The following ARB2A variants were observed in gnomAD, a reference collection of about 807,000 sequenced individuals.
The protein encoded by ARB2A is cotranscriptional regulator ARB2A.
the ARB2A span, among the ~76,000 whole-genome samples, chr5:93,926,527 T>C: frequency 6.6e-6 from 1 of 152,200 alleles, no homozygotes; most frequent in East Asian, 1.9e-4. Flanking sequence ...TGAAAAAGAA[T>C]ATGTCCTTTC....
At chr5:93,635,380 T>C in the ARB2A span, among the ~76,000 whole-genome samples, 2 of 152,104 alleles carry the variant, frequency 1.3e-5, no homozygotes, top group African/African-American at 2.4e-5. Context: ...CTTCCTCTAC[T>C]AAGCCTTCTT....
the ARB2A span, among the ~76,000 whole-genome samples, chr5:93,866,742 C>T: frequency 3.9e-5 from 6 of 152,114 alleles, no homozygotes. Context: ...AATCAGTTCC[C>T]TTCGTAAAGC....
chr5:93,895,713 G>C, the ARB2A span, among the ~76,000 whole-genome samples: 1 of 151,922 alleles, frequency 6.6e-6, no homozygotes, highest in Non-Finnish European at 1.5e-5. Flanking sequence ...AGAAATCATT[G>C]AACAAAGTAA....
At chr5:93,810,325 A>G in the ARB2A span, among the ~76,000 whole-genome samples, 3 of 151,520 alleles carry the variant, frequency 2.0e-5, no homozygotes, top group Non-Finnish European at 4.4e-5. Flanking sequence ...CAATCTTTCT[A>G]TCTGTCAAAC....
the ARB2A span, among the ~76,000 whole-genome samples, chr5:94,019,813 C>G: frequency 5.5e-4 from 83 of 152,272 alleles, no homozygotes; most frequent in Middle Eastern, 0.014. Context: ...AATCATTCTA[C>G]TATAAAGGAC....
chr5:93,903,315 A>T, the ARB2A span, among the ~76,000 whole-genome samples: 1 of 152,044 alleles, frequency 6.6e-6, no homozygotes, highest in Non-Finnish European at 1.5e-5. Flanking sequence ...AAGCTTTTCT[A>T]CTAAAACTGC....
At chr5:93,757,976 C>A in the ARB2A span, among the ~76,000 whole-genome samples, 4 of 152,094 alleles carry the variant, frequency 2.6e-5, no homozygotes, top group Non-Finnish European at 5.9e-5. Flanking sequence ...AACTCACCAA[C>A]CAACTATCTG....
the ARB2A span, among the ~76,000 whole-genome samples, chr5:93,752,613 T>A: frequency 3.3e-5 from 5 of 152,194 alleles, no homozygotes; most frequent in East Asian, 9.6e-4. Context: ...TTCATTGGAA[T>A]TACTGGAAAA....
the ARB2A span, among the ~76,000 whole-genome samples, chr5:93,789,201 G>T: frequency 2.6e-5 from 4 of 152,116 alleles, no homozygotes; most frequent in African/African-American, 9.7e-5. Context: ...TACTGTGAGG[G>T]TTACAGCATG....
At chr5:93,841,111 G>A in the ARB2A span, among the ~76,000 whole-genome samples, 1 of 152,092 alleles carries the variant, frequency 6.6e-6, no homozygotes, top group East Asian at 1.9e-4. Flanking sequence ...TTCTTTTAGT[G>A]TAATATACAA....
the ARB2A span, among the ~76,000 whole-genome samples, chr5:93,639,244 T>C: frequency 9.2e-5 from 14 of 152,356 alleles, no homozygotes; most frequent in East Asian, 2.7e-3. Flanking sequence ...TTCCTGTCAC[T>C]TTATGACAGA....
At chr5:93,815,330 C>G in the ARB2A span, among the ~76,000 whole-genome samples, 3 of 152,144 alleles carry the variant, frequency 2.0e-5, no homozygotes, top group Non-Finnish European at 4.4e-5. Context: ...AGAAGAGTAT[C>G]ACTTTGTTAC....
chr5:94,111,250 G>A, the ARB2A span, among the ~76,000 whole-genome samples: 15 of 152,214 alleles, frequency 9.9e-5, no homozygotes, highest in Admixed American at 2.0e-4. Flanking sequence ...CCAGAATCCC[G>A]TACGCCCCGA....
At chr5:93,846,721 A>T in the ARB2A span, among the ~76,000 whole-genome samples, 23 of 152,314 alleles carry the variant, frequency 1.5e-4, no homozygotes, top group African/African-American at 5.5e-4. Context: ...TGTTTAATTT[A>T]AAAATACTTT....
the ARB2A span, among the ~76,000 whole-genome samples, chr5:93,687,230 A>C: frequency 6.6e-6 from 1 of 152,200 alleles, no homozygotes; most frequent in Non-Finnish European, 1.5e-5. Context: ...AAATAAATAC[A>C]AATTTAATTG....
the ARB2A span, among the ~76,000 whole-genome samples, chr5:93,990,279 T>G: frequency 6.6e-6 from 1 of 152,092 alleles, no homozygotes; most frequent in Non-Finnish European, 1.5e-5. Context: ...GTGAGAGAGA[T>G]AATATCAGCA....
chr5:93,997,924 A>C, the ARB2A span, among the ~76,000 whole-genome samples: 10 of 152,044 alleles, frequency 6.6e-5, no homozygotes, highest in Non-Finnish European at 1.0e-4. Flanking sequence ...AAACAAAGTA[A>C]TCAGAATCCC....
At chr5:93,874,352 G>C in the ARB2A span, among the ~76,000 whole-genome samples, 1 of 152,108 alleles carries the variant, frequency 6.6e-6, no homozygotes, top group African/African-American at 2.4e-5. Flanking sequence ...GATAGCCTTA[G>C]GATGGGACTG....
the ARB2A span, among the ~76,000 whole-genome samples, chr5:94,017,927 T>C: frequency 6.6e-6 from 1 of 152,174 alleles, no homozygotes; most frequent in Non-Finnish European, 1.5e-5. Flanking sequence ...TTCTTTTCCA[T>C]GCTATTCTTG....
Sources: gnomAD v4.1 joint callset for allele counts (sites outside exome capture counted in the v4.1 genomes callset) on GRCh38, gnomAD v4.1.1 for gene constraint, MANE v1.5 for transcripts, NCBI Gene and HGNC (gene_info 2026-07-23, HGNC 2026-07-21) for gene names.